The following LAPTM4B variants were observed in gnomAD, a reference collection of about 807,000 sequenced individuals.
LAPTM4B encodes lysosomal-associated transmembrane protein 4B.
Under a neutral mutation model 28.5 loss-of-function variants are expected in LAPTM4B, and 26 were observed. That is an observed-to-expected ratio of 0.91 (90% confidence interval 0.67 to 1.27). The LOEUF is 1.27. LAPTM4B is among the 50% of genes most tolerant of loss of function. LAPTM4B has a pLI of 0.00. For missense variants in LAPTM4B, 288 were observed against 285.8 expected, an observed-to-expected ratio of 1.01 and a Z score of -0.06; for synonymous variants, 109 against 106.4, an observed-to-expected ratio of 1.02 and a Z score of -0.15.
intron 1 of LAPTM4B, among the ~76,000 whole-genome samples, chr8:97,781,379 A>G (rs1260744115): frequency 7.1e-6 from 1 of 140,856 alleles, no homozygotes; most frequent in East Asian, 2.2e-4. Context: ...TCCTGGGTTC[A>G]AGTGATTCCT....
intron 1 of LAPTM4B, among the ~76,000 whole-genome samples, chr8:97,786,284 C>T (rs1353934084): frequency 7.2e-5 from 11 of 151,964 alleles, no homozygotes; most frequent in East Asian, 3.9e-4. Flanking sequence ...TTAAGAGTTT[C>T]GAGTTGCCTC....
chr8:97,783,904 C>A (rs141661718), intron 1 of LAPTM4B, among the ~76,000 whole-genome samples: 1 of 152,100 alleles, frequency 6.6e-6, no homozygotes. Context: ...ATTTGTATGC[C>A]GTTTCTTGCT....
At chr8:97,810,586 G>A (rs1044051676) in intron 2 of LAPTM4B, among the ~76,000 whole-genome samples, 3 of 152,216 alleles carry the variant, frequency 2.0e-5, no homozygotes, top group East Asian at 3.8e-4. Context: ...GAAGCTCAAA[G>A]AGTAATGTTT....
intron 6 of LAPTM4B, among the ~76,000 whole-genome samples, chr8:97,827,929 G>GAGTCT: frequency 6.6e-6 from 1 of 152,276 alleles, no homozygotes; most frequent in East Asian, 1.9e-4. Context: ...AGTTAGGGTA[G>GAGTCT]AGTCTGTTAC....
At position 97,840,773 on chromosome 8, in the gene LAPTM4B, C is replaced by T. The variant is rs2512036; in HGVS notation, c.604-10624C>T. 9.4e-4 allele frequency among the ~76,000 whole-genome samples: 143 copies of T among 152,294 alleles called. 4 individuals carry two copies. In the East Asian group the frequency reaches 0.023, roughly 24 times the overall value. ...GTTGCACAGCGGCCGGGCAGAGGTG[C>T]TCCTCACTTCCCAGACGGTGGGGCG... is the stretch of plus-strand genomic sequence containing the variant. On this transcript the variant is annotated intron_variant, in intron 6 of 6. Transcript: ENST00000521545.
chr8:97,806,982 T>C (rs550912848), intron 2 of LAPTM4B, among the ~76,000 whole-genome samples: 8 of 152,298 alleles, frequency 5.3e-5, no homozygotes, highest in African/African-American at 1.9e-4. Flanking sequence ...GTCACCGCCA[T>C]GTAAGAAGTC....
intron 5 of LAPTM4B, among the ~76,000 whole-genome samples, chr8:97,819,917 A>T (rs1271827790): frequency 6.6e-6 from 1 of 151,888 alleles, no homozygotes; most frequent in East Asian, 1.9e-4. Context: ...TTGTATTTTT[A>T]GTAGAGATGG....
chr8:97,807,903 A>G (rs201114815), intron 2 of LAPTM4B, among the ~76,000 whole-genome samples: 1 of 127,170 alleles, frequency 7.9e-6, no homozygotes, highest in East Asian at 2.6e-4. Context: ...AAAAAAAAAA[A>G]AAAAGGAAAA....
rs577992790 is a variant in LAPTM4B, at chr8:97,778,452, C to T, written c.99+2344C>T. On this transcript the variant is annotated intron_variant, in intron 1 of 6. Transcript: ENST00000521545. ...CATCTTGGCTCCTTCACTTGCAGCC[C>T]CTTACCCACCCGCTTCCTCAAGGAC... Among the ~76,000 whole-genome samples, 107 of 152,168 alleles carry T rather than the reference C, an allele frequency of 7.0e-4. 1 individual carries two copies. Among genetic ancestry groups the T allele is most frequent in the African/African-American group, 2.4e-3 (100 of 41,528 alleles).
In LAPTM4B at chr8:97,795,930, A is replaced by G. The variant is rs142725344; in HGVS notation, c.100-9423A>G. Among the ~76,000 whole-genome samples the G allele has an allele frequency of 3.0e-3, 459 of 150,776 alleles. 6 individuals carry two copies. The highest frequency in any genetic ancestry group is 0.01 in the African/African-American group (428 of 41,056). On this transcript the variant is annotated intron_variant, in intron 1 of 6. Transcript: ENST00000521545. ...AGGACCTTAGCTTAGTTCATTTCCA[A>G]TCACACCTCCTCTTGATTTATTTGC...
At chr8:97,798,352 A>G (rs1373609031) in intron 1 of LAPTM4B, among the ~76,000 whole-genome samples, 4 of 152,106 alleles carry the variant, frequency 2.6e-5, no homozygotes, top group Non-Finnish European at 4.4e-5. Context: ...CCATCCAACA[A>G]TTGAGGTTTT....
Position 97,825,110 on chromosome 8 carries a change from A to G in LAPTM4B, c.560A>G (p.Asn187Ser), listed in dbSNP as rs1182532951. 2 of 1,611,528 alleles carry G rather than the reference A, an allele frequency of 1.2e-6. No homozygotes were observed. Among genetic ancestry groups the G allele is most frequent in the Non-Finnish European group, 1.7e-6 (2 of 1,177,788 alleles). ...WNCYRYINGR[N>S]SSDVLVYVTS... is the part of the protein sequence containing the mutation. ...TGCTACCGATACATCAATGGTAGGA[A>G]CTCCTCTGATGTCCTGGTTTATGTT... Residue 187 changes from asparagine to serine, a missense_variant, in exon 6 of 7, where the codon AAC becomes AGC. Coordinates refer to ENST00000521545, the MANE Select transcript of LAPTM4B (RefSeq NM_018407.6).
intron 6 of LAPTM4B, among the ~76,000 whole-genome samples, chr8:97,842,628 C>T (rs556755543): frequency 3.9e-5 from 6 of 152,252 alleles, no homozygotes; most frequent in South Asian, 4.1e-4. Context: ...AAGCATTTCT[C>T]CTGCCTCAGC....
chr8:97,816,414 C>G (rs1816916744), intron 4 of LAPTM4B, among the ~76,000 whole-genome samples: 1 of 151,972 alleles, frequency 6.6e-6, no homozygotes, highest in Admixed American at 6.6e-5. Context: ...TCCAGGGTCT[C>G]AGCCTCCCAG....
intron 1 of LAPTM4B, among the ~76,000 whole-genome samples, chr8:97,781,980 A>G (rs1470334571): frequency 9.3e-6 from 1 of 107,444 alleles, no homozygotes. Context: ...GACTTTGGGG[A>G]CTTTTTTTTT....
chr8:97,816,140 T>C lies in LAPTM4B; in HGVS notation c.368T>C (p.Leu123Pro). 1 of 1,613,874 alleles carries C rather than the reference T, an allele frequency of 6.2e-7. No homozygotes were observed. Among genetic ancestry groups the C allele is most frequent in the South Asian group, 1.1e-5 (1 of 90,968 alleles). ...AACATGTTGGTTGCAATCACTGTGC[T>C]TATTTATCCAAACTCCATTCAGGAA... ...ALNMLVAITV[L>P]IYPNSIQEYI... The change falls in exon 4 of 7, where the codon CTT becomes CCT. Residue 123 changes from leucine to proline, a missense_variant. By Grantham distance (98) the Leu-to-Pro change is moderately conservative. Coordinates refer to ENST00000521545, the MANE Select transcript of LAPTM4B (RefSeq NM_018407.6).
At position 97,789,205 on chromosome 8, in the gene LAPTM4B, C is replaced by T. The variant is rs867133682; in HGVS notation, c.99+13097C>T. On this transcript the variant is annotated intron_variant, in intron 1 of 6. Transcript: ENST00000521545. ...TGTCCTGCCTCAGCCTCCCAAGTAG[C>T]TGGGATTACAGGCAAGTGCCACCAC... 3.3e-5 allele frequency among the ~76,000 whole-genome samples: 5 copies of T among 151,496 alleles called. No homozygotes were observed. In the South Asian group the frequency reaches 6.3e-4, roughly 19 times the overall value.
intron 1 of LAPTM4B, among the ~76,000 whole-genome samples, chr8:97,793,889 C>T (rs1369860057): frequency 6.6e-6 from 1 of 152,186 alleles, no homozygotes; most frequent in African/African-American, 2.4e-5. Flanking sequence ...TCACTGCAGC[C>T]TTGAACTCAT....
chr8:97,791,999 T>C (rs1487322868), intron 1 of LAPTM4B, among the ~76,000 whole-genome samples: 2 of 152,134 alleles, frequency 1.3e-5, no homozygotes, highest in African/African-American at 2.4e-5. Flanking sequence ...AAAGACCTGG[T>C]TGAATTTGGG....
Sources: gnomAD v4.1 joint callset for allele counts (sites outside exome capture counted in the v4.1 genomes callset) on GRCh38, gnomAD v4.1.1 for gene constraint, MANE v1.5 for transcripts, NCBI Gene and HGNC (gene_info 2026-07-23, HGNC 2026-07-21) for gene names.